The following DLGAP2 variants were observed in gnomAD, a reference collection of about 807,000 sequenced individuals.
DLGAP2 encodes DLG associated protein 2, also known as disks large-associated protein 2.
DLGAP2 carries 26 observed loss-of-function variants against 100.3 expected under a neutral mutation model. The ratio of observed to expected loss-of-function variants is 0.26; its 90% CI spans 0.19 to 0.36. The LOEUF (loss-of-function observed/expected upper bound fraction) is 0.36, where lower values mean the gene tolerates loss of function less well. DLGAP2 is among the 10% of genes least tolerant of loss of function. DLGAP2 has a pLI of 1.00. For synonymous variants in DLGAP2, 886 were observed against 630.1 expected (o/e 1.41, Z -6.08); for missense variants, 1,858 against 1,453.2 (o/e 1.28, Z -4.53).
intron 3 of DLGAP2, among the ~76,000 whole-genome samples, chr8:1,465,697 C>T (rs999938711): frequency 2.0e-5 from 3 of 152,186 alleles, no homozygotes; most frequent in African/African-American, 4.8e-5. Flanking sequence ...CTCAGACAGC[C>T]GTGTGGAAAT....
intron 2 of DLGAP2, among the ~76,000 whole-genome samples, chr8:1,233,717 A>T (rs572533068): frequency 3.9e-5 from 6 of 152,244 alleles, no homozygotes; most frequent in African/African-American, 1.4e-4. Flanking sequence ...ATGTCAGTTG[A>T]CTTTCTGGGA....
At chr8:990,089 G>C (rs1293249498) in intron 2 of DLGAP2, among the ~76,000 whole-genome samples, 3 of 151,970 alleles carry the variant, frequency 2.0e-5, no homozygotes, top group Non-Finnish European at 4.4e-5. Flanking sequence ...TCATGAAAGG[G>C]GTCATCTACG....
At position 1,301,261 on chromosome 8, in the gene DLGAP2, C is replaced by A. The variant is rs75418081; in HGVS notation, c.106+42378C>A. 5.0e-3 allele frequency: 762 copies of A among 152,296 alleles called. 4 individuals carry two copies. The highest frequency in any genetic ancestry group is 0.018 in the African/African-American group (733 of 41,488). 9.4% of individuals were successfully genotyped at this position (152,296 alleles called of 1,614,324 possible). On this transcript the variant is annotated intron_variant, in intron 3 of 14. Coordinates refer to ENST00000637795, the MANE Select transcript of DLGAP2 (RefSeq NM_001346810.2). Reference sequence around the variant, plus strand: ...CCTGAGCCCTCCTGCAGGACCCTGTCCTGACAGCACCACGTCCCACCCTTC... The same window carrying A: ...CCTGAGCCCTCCTGCAGGACCCTGTACTGACAGCACCACGTCCCACCCTTC...
At chr8:748,994 A>C (rs937175370) in intron 1 of DLGAP2, among the ~76,000 whole-genome samples, 5 of 151,928 alleles carry the variant, frequency 3.3e-5, no homozygotes, top group African/African-American at 1.2e-4. Flanking sequence ...ACTTTTGTAC[A>C]TTTTCTTTTC....
Position 1,626,902 on chromosome 8 carries a change from GC to G in DLGAP2, c.1590+18del, listed in dbSNP as rs776848185. On this transcript the variant is annotated intron_variant, in intron 7 of 14. Coordinates refer to ENST00000637795, the MANE Select transcript of DLGAP2 (RefSeq NM_001346810.2). ...GCGTGAGCCAGGTCAGGGTCCCTTCGCCCTTTCTCCCTGGGGTCCAGTCTCC... is the reference window on the plus strand; with the variant it reads ...GCGTGAGCCAGGTCAGGGTCCCTTCGCCTTTCTCCCTGGGGTCCAGTCTCC... The G allele has an allele frequency of 1.3e-6, 2 of 1,577,350 alleles. No homozygotes were observed. Among genetic ancestry groups the G allele is most frequent in the Non-Finnish European group, 1.7e-6 (2 of 1,161,902 alleles).
chr8:1,196,743 G>A (rs1442362632), intron 2 of DLGAP2, among the ~76,000 whole-genome samples: 1 of 152,204 alleles, frequency 6.6e-6, no homozygotes, highest in Non-Finnish European at 1.5e-5. Flanking sequence ...AGTAGCTGCA[G>A]TAGGAGCCTG....
At chr8:1,498,354 C>G (rs1799610781) in intron 3 of DLGAP2, among the ~76,000 whole-genome samples, 1 of 149,234 alleles carries the variant, frequency 6.7e-6, no homozygotes, top group Non-Finnish European at 1.5e-5. Flanking sequence ...TTTTCCTGCA[C>G]TATTTCAAGA....
intron 13 of DLGAP2, 148 bp downstream of exon 13, chr8:1,691,774 C>A (rs562262040): frequency 4.1e-6 from 3 of 730,466 alleles, no homozygotes; most frequent in Admixed American, 2.8e-5. Flanking sequence ...GCTTCCCGCC[C>A]TGGGGAAAGA....
intron 2 of DLGAP2, among the ~76,000 whole-genome samples, chr8:999,497 C>G (rs564685713): frequency 1.4e-4 from 20 of 144,358 alleles, no homozygotes; most frequent in Non-Finnish European, 2.1e-4. Flanking sequence ...TTTTTTTTTC[C>G]CGATGGAGTG....
chr8:1,259,133 T>C (rs1485728541), intron 3 of DLGAP2, among the ~76,000 whole-genome samples: 1 of 152,244 alleles, frequency 6.6e-6, no homozygotes, highest in Non-Finnish European at 1.5e-5. Context: ...TTATTTTTGT[T>C]TGTTCTGGAT....
chr8:905,514 A>G (rs1029235304), intron 1 of DLGAP2, among the ~76,000 whole-genome samples: 42 of 152,176 alleles, frequency 2.8e-4, no homozygotes, highest in African/African-American at 6.3e-4. Flanking sequence ...GGCAGATGCA[A>G]TTGTGTCATG....
At chr8:1,256,512 T>C (rs1423477627) in intron 2 of DLGAP2, among the ~76,000 whole-genome samples, 2 of 136,304 alleles carry the variant, frequency 1.5e-5, no homozygotes, top group Non-Finnish European at 3.0e-5. Context: ...GCCTGGGTGC[T>C]GTGTGTGTGC....
intron 3 of DLGAP2, among the ~76,000 whole-genome samples, chr8:1,497,786 C>G (rs889495768): frequency 6.6e-6 from 1 of 152,126 alleles, no homozygotes; most frequent in Admixed American, 6.5e-5. Flanking sequence ...GTTCCAAGAC[C>G]CCTAGCAGAT....
intron 2 of DLGAP2, among the ~76,000 whole-genome samples, chr8:1,042,349 G>A (rs1251570837): frequency 6.6e-6 from 1 of 152,208 alleles, no homozygotes; most frequent in Admixed American, 6.5e-5. Flanking sequence ...CAGATCTGTG[G>A]GGCTTCCTTA....
At chr8:1,382,978 G>A (rs780955972) in intron 3 of DLGAP2, among the ~76,000 whole-genome samples, 100 of 152,242 alleles carry the variant, frequency 6.6e-4, no homozygotes, top group Admixed American at 1.2e-3. Flanking sequence ...TACTTACTAT[G>A]TTAATTAATC....
intron 2 of DLGAP2, among the ~76,000 whole-genome samples, chr8:1,202,832 C>G (rs1458475031): frequency 1.3e-5 from 2 of 152,196 alleles, no homozygotes; most frequent in African/African-American, 2.4e-5. Flanking sequence ...AGATGCAGCT[C>G]GAGGAAAAAG....
chr8:1,165,845 G>T (rs528211834), intron 2 of DLGAP2, among the ~76,000 whole-genome samples: 2 of 148,530 alleles, frequency 1.3e-5, no homozygotes, highest in South Asian at 2.1e-4. Flanking sequence ...ATTTTCCCAC[G>T]TTAGATTTAA....
At chr8:1,366,825 G>A (rs1354624448) in intron 3 of DLGAP2, among the ~76,000 whole-genome samples, 1 of 152,174 alleles carries the variant, frequency 6.6e-6, no homozygotes, top group Admixed American at 6.5e-5. Context: ...GGGGGTCTGT[G>A]GTGAAGTGAG....
rs116071220 is a variant in DLGAP2 at position 1,667,582 on chromosome 8, A to G, written c.1811-747A>G. The stretch of plus-strand genomic sequence containing the variant: ...GTTACAGAAACAGTAGCTATTCGTT[A>G]TAATGATTTTTAGAAAAACACACAA... On this transcript the variant is annotated intron_variant, in intron 8 of 14. Transcript: ENST00000637795. 6.7e-3 allele frequency among the ~76,000 whole-genome samples: 1,015 copies of G among 152,338 alleles called. 6 individuals carry two copies. Among genetic ancestry groups the G allele is most frequent in the African/African-American group, 0.023 (959 of 41,576 alleles).
Sources: allele counts gnomAD v4.1 joint callset (sites outside exome capture counted in the v4.1 genomes callset), GRCh38; gene constraint gnomAD v4.1.1; transcripts MANE v1.5; gene names NCBI Gene and HGNC (gene_info 2026-07-23, HGNC 2026-07-21).